The following NAGPA variants were observed in gnomAD, a reference collection of about 807,000 sequenced individuals.
NAGPA encodes the protein alpha-N-acetylglucosaminyl phosphodiesterase.
Under a neutral mutation model 48.5 loss-of-function variants are expected in NAGPA, and 56 were observed. The ratio of observed to expected loss-of-function variants is 1.15; its 90% CI spans 0.93 to 1.44. The LOEUF is 1.44. Ranked by LOEUF, NAGPA falls within the 40% of genes most tolerant of loss-of-function variation. The probability of loss-of-function intolerance (pLI) is 0.00; values close to 1 mark genes in which losing one functional copy is unlikely to be tolerated. For missense variants in NAGPA, 888 were observed against 735.0 expected, an observed-to-expected ratio of 1.21 and a Z score of -2.41; for synonymous variants, 399 against 315.5, an observed-to-expected ratio of 1.26 and a Z score of -2.81.
intron 3 of NAGPA, 31 bp from the exon 4 acceptor site, chr16:5,030,524 C>T (rs954780250): frequency 1.3e-6 from 2 of 1,526,024 alleles, no homozygotes; most frequent in African/African-American, 1.4e-5. Context: ...CTGATCACCG[C>T]CCCTTGGGAG....
At position 5,031,896 on chromosome 16, in the gene NAGPA, G is replaced by A. The variant is rs1330345900; in HGVS notation, c.543-12C>T. The A allele has an allele frequency of 6.2e-7, 1 of 1,613,994 alleles. No homozygotes were observed. The highest frequency in any genetic ancestry group is 8.5e-7 in the Non-Finnish European group (1 of 1,180,018). ...CCTCAGACAGGTACCTGGATCCGGG[G>A]AAGGTGGGAAGCTCACTCACCAGCA... On this transcript the variant is annotated splice_polypyrimidine_tract_variant and intron_variant, in intron 2 of 9. Transcript: ENST00000312251.
chr16:5,028,598 T>C (rs895467182), intron 5 of NAGPA: 4 of 554,412 alleles, frequency 7.2e-6, no homozygotes, highest in African/African-American at 5.7e-5. Flanking sequence ...GCCTTTCACA[T>C]GTGGTGCCCT....
intron 9 of NAGPA, among the ~76,000 whole-genome samples, chr16:5,025,909 C>T (rs913631522): frequency 4.0e-5 from 6 of 151,680 alleles, no homozygotes; most frequent in African/African-American, 7.3e-5. Context: ...AATGCAGGTC[C>T]GTGCTGCCCC....
At chr16:5,027,230 C>T (rs1157702773) in intron 8 of NAGPA, 32 bp from the exon 9 acceptor site, 12 of 1,613,986 alleles carry the variant, frequency 7.4e-6, no homozygotes, top group African/African-American at 4.0e-5. Flanking sequence ...CTGAAGGGGC[C>T]GGAGCAGGAG....
chr16:5,031,512 CTTTA>C (rs1956095930), intron 3 of NAGPA: 7 of 562,942 alleles, frequency 1.2e-5, no homozygotes, highest in Non-Finnish European at 2.2e-5. Context: ...TTTCCCCTAA[CTTTA>C]TTTTTGTTTC....
rs1411653190 is a variant in NAGPA at position 5,033,642 on chromosome 16, T to C, written c.173A>G (p.Asn58Ser). 2.0e-6 allele frequency: 3 copies of C among 1,537,976 alleles called. No homozygotes were observed. The highest frequency in any genetic ancestry group is 2.4e-5 in the East Asian group (1 of 42,156). The change falls in exon 2 of 10, where the codon AAC becomes AGC. Residue 58 changes from asparagine (N) to serine (S), a missense_variant. Asn to Ser is a conservative substitution (Grantham distance 46). Coordinates refer to ENST00000312251, the MANE Select transcript of NAGPA (RefSeq NM_016256.4). This position sits in a 1 kb window ranked among gnomAD's most constrained non-coding sequence, Gnocchi z 4.2. ...PRDCTRVRAG[N>S]REHESWPPPP... ...CGGAGGCCAACTCTCGTGCTCGCGG[T>C]TGCCGGCGCGCACCCGTGTGCAGTC... is the stretch of plus-strand genomic sequence containing the variant.
chr16:5,032,224 CG>C (rs1956113574), intron 2 of NAGPA, among the ~76,000 whole-genome samples: 1 of 152,178 alleles, frequency 6.6e-6, no homozygotes, highest in Non-Finnish European at 1.5e-5. Context: ...ATCCCTGTTA[CG>C]GCCCTTCATT....
chr16:5,031,594 C>T (rs1956096915), intron 3 of NAGPA, 151 bp downstream of exon 3: 1 of 1,013,128 alleles, frequency 9.9e-7, no homozygotes, highest in South Asian at 1.3e-5. Flanking sequence ...CAATATAAGC[C>T]TATCTTCCTC....
intron 4 of NAGPA, chr16:5,029,466 G>A (rs1445366402): frequency 4.0e-6 from 1 of 252,652 alleles, no homozygotes; most frequent in African/African-American, 2.2e-5. Flanking sequence ...CAACTGAGGA[G>A]GCGACGGGGA....
At chr16:5,031,599 T>G (rs1179740382) in intron 3 of NAGPA, 146 bp downstream of exon 3, 20 of 1,068,426 alleles carry the variant, frequency 1.9e-5, no homozygotes, top group Non-Finnish European at 2.8e-5. Context: ...TAAGCCTATC[T>G]TCCTCCCCAT....
In NAGPA at chr16:5,033,377, G is replaced by A; in HGVS notation, c.438C>T (p.Gly146=). 1.3e-6 allele frequency: 2 copies of A among 1,597,428 alleles called. No homozygotes were observed. Among genetic ancestry groups the A allele is most frequent in the South Asian group, 1.1e-5 (1 of 90,990 alleles). The change falls in exon 2 of 10, where the codon GGC becomes GGT. Residue 146 remains glycine, a synonymous_variant. Transcript: ENST00000312251. The surrounding 1 kb of genome is among the most constrained non-coding windows in gnomAD (Gnocchi z 4.2). ...CGCTCACCACGTTCCCCAGGCACTC[G>A]CCCGAGTTCATGCGGAAGAAGCCGC... ...QNGGFFRMNS[G]ECLGNVVSDE...
At chr16:5,027,101 C>T (rs779593853) in intron 9 of NAGPA, 34 bp downstream of exon 9, 3 of 1,612,564 alleles carry the variant, frequency 1.9e-6, no homozygotes, top group African/African-American at 1.3e-5. Context: ...GGGATTCCTC[C>T]CGCCCTGGCC....
Position 5,033,757 on chromosome 16 carries a change from G to A in NAGPA, c.87-29C>T. 6.3e-7 allele frequency: 1 copy of A among 1,594,994 alleles called. No homozygotes were observed. The highest frequency in any genetic ancestry group is 8.5e-7 in the Non-Finnish European group (1 of 1,172,086). On this transcript the variant is annotated intron_variant, in intron 1 of 9. Coordinates refer to ENST00000312251, the MANE Select transcript of NAGPA (RefSeq NM_016256.4). This position sits in a 1 kb window ranked among gnomAD's most constrained non-coding sequence, Gnocchi z 4.2. ...CGGGGACGGGCGGCCGTGAGCTCAG[G>A]GGGCTGTCCTCGTGAGCTCGGAGGA...
At chr16:5,030,670 G>C in intron 3 of NAGPA, 177 bp from the exon 4 acceptor site, 1 of 671,036 alleles carries the variant, frequency 1.5e-6, no homozygotes, top group East Asian at 2.7e-5. Context: ...CAGCCGGGGG[G>C]TCTCTTCTTA....
Position 5,027,908 on chromosome 16 carries a change from C to T in NAGPA, c.1127-15G>A, listed in dbSNP as rs764713088. ...GCGGCAGCCGGCTGCCGAGACAAGA[C>T]CGGGGAGGCCAGGTGAGGGCCTAGG... On this transcript the variant is annotated splice_polypyrimidine_tract_variant and intron_variant, in intron 6 of 9. Coordinates refer to ENST00000312251, the MANE Select transcript of NAGPA (RefSeq NM_016256.4). 3.1e-6 allele frequency: 5 copies of T among 1,607,516 alleles called. No individual in the cohort carries two copies. Among genetic ancestry groups the T allele is most frequent in the East Asian group, 4.5e-5 (2 of 44,534 alleles).
At chr16:5,030,728 T>A in intron 3 of NAGPA, 1 of 581,832 alleles carries the variant, frequency 1.7e-6, no homozygotes. Context: ...CCTCTAATGG[T>A]TTCCCCTGTT....
rs372704529 is a variant in NAGPA at position 5,030,923 on chromosome 16, C to G, written c.683-430G>C. 4.7e-4 allele frequency: 112 copies of G among 239,896 alleles called. 1 individual carries two copies. In the Middle Eastern group the frequency reaches 0.016, roughly 33 times the overall value. The allele number at this position is 239,896 out of a possible 1,614,324, so 14.9% of individuals were successfully genotyped here. ...ACCTCCTTAGTGAGGCCTTCCTTGA[C>G]CGCCCACTCTTTTTTTTTTTTTGAG... On this transcript the variant is annotated intron_variant, in intron 3 of 9. Transcript: ENST00000312251.
intron 7 of NAGPA, 140 bp downstream of exon 7, chr16:5,027,706 G>C: frequency 1.6e-6 from 2 of 1,268,428 alleles, no homozygotes; most frequent in South Asian, 2.6e-5. Flanking sequence ...GTCACACAGT[G>C]ATGTGCAGGT....
In NAGPA at chr16:5,027,896, G is replaced by A. The variant is rs112669475; in HGVS notation, c.1127-3C>T. ...TCCGGCATCACAGCGGCAGCCGGCT[G>A]CCGAGACAAGACCGGGGAGGCCAGG... On this transcript the variant is annotated splice_region_variant and splice_polypyrimidine_tract_variant and intron_variant, in intron 6 of 9. Coordinates refer to ENST00000312251, the MANE Select transcript of NAGPA (RefSeq NM_016256.4). The A allele has an allele frequency of 2.5e-3, 4,068 of 1,599,734 alleles. 45 individuals carry two copies. The African/African-American group carries it at 0.028, about 11-fold the overall frequency.
Sources: allele counts gnomAD v4.1 joint callset (sites outside exome capture counted in the v4.1 genomes callset), GRCh38; gene constraint gnomAD v4.1.1; non-coding constraint Gnocchi (gnomAD v3.1); transcripts MANE v1.5; gene names NCBI Gene and HGNC (gene_info 2026-07-23, HGNC 2026-07-21).